THSD7B: variants seen among roughly 807,000 people sequenced by gnomAD.
The protein encoded by THSD7B is thrombospondin type-1 domain-containing protein 7B.
A neutral mutation model predicts 213.6 loss-of-function variants in THSD7B; 138 were observed. That is an observed-to-expected ratio of 0.65 (90% CI 0.56 to 0.74). The LOEUF (loss-of-function observed/expected upper bound fraction) is 0.74, where lower values mean the gene tolerates loss of function less well. Ranked by LOEUF, THSD7B falls within the 30% of genes least tolerant of loss-of-function variation. The probability of loss-of-function intolerance (pLI) is 0.00; values close to 1 mark genes in which losing one functional copy is unlikely to be tolerated. For synonymous variants in THSD7B, 742 were observed against 687.0 expected (o/e 1.08, Z -1.25); for missense variants, 1,931 against 1,991.5 (o/e 0.97, Z 0.58).
chr2:137,217,269 T>C (rs6715802), intron 7 of THSD7B, among the ~76,000 whole-genome samples: 2,973 of 152,298 alleles, frequency 0.02, 41 homozygotes, highest in Admixed American at 0.029. Flanking sequence ...TTTCTTCCTA[T>C]GTTGGCATAG....
chr2:136,785,911 C>T lies in THSD7B; in HGVS notation c.-36+20224C>T, dbSNP rs573343004. Reference sequence around the variant, plus strand: ...AAATGTAGTAGATTAAGTCAAGGACCAAGCCCAGTGACCAGTCAAACAAAT... The same window carrying T: ...AAATGTAGTAGATTAAGTCAAGGACTAAGCCCAGTGACCAGTCAAACAAAT... On this transcript the variant is annotated intron_variant, in intron 1 of 27. Transcript: ENST00000409968. Among the ~76,000 whole-genome samples the T allele has an allele frequency of 2.6e-5, 4 of 151,868 alleles. No homozygotes were observed. In the East Asian group the frequency reaches 8.0e-4, roughly 30 times the overall value.
chr2:137,354,608 CTTAAG>C (rs1256268635), intron 12 of THSD7B, among the ~76,000 whole-genome samples: 1 of 151,830 alleles, frequency 6.6e-6, no homozygotes, highest in East Asian at 1.9e-4. Context: ...AAGAAATAGC[CTTAAG>C]TTAACAGTTT....
At position 136,990,574 on chromosome 2, in the gene THSD7B, G is replaced by C. The variant is rs771375971; in HGVS notation, c.140-65846G>C. Among the ~76,000 whole-genome samples the C allele has an allele frequency of 6.6e-4, 101 of 152,152 alleles. 2 individuals carry two copies. The highest frequency in any genetic ancestry group is 2.2e-4 in the Non-Finnish European group (15 of 68,042). On this transcript the variant is annotated intron_variant, in intron 2 of 27. Transcript: ENST00000409968. ...GCAGATGGGCTGTGCTGGAATGTGG[G>C]GCAAGAAACACTGTCATTGACACTA... is the stretch of plus-strand genomic sequence containing the variant.
At chr2:137,620,583 A>C (rs559889900) in intron 19 of THSD7B, 26 bp from the exon 20 acceptor site, 52 of 1,557,930 alleles carry the variant, frequency 3.3e-5, no homozygotes, top group Non-Finnish European at 4.4e-5. Flanking sequence ...TTCTCCAATA[A>C]AGTTGTGTTT....
chr2:137,202,365 G>A (rs1680895984), intron 7 of THSD7B, among the ~76,000 whole-genome samples: 1 of 152,068 alleles, frequency 6.6e-6, no homozygotes, highest in Non-Finnish European at 1.5e-5. Context: ...ATGGACCCTA[G>A]ATGTCATCCC....
At chr2:137,138,832 G>A (rs1024749873) in intron 5 of THSD7B, among the ~76,000 whole-genome samples, 1 of 152,012 alleles carries the variant, frequency 6.6e-6, no homozygotes, top group African/African-American at 2.4e-5. Context: ...TATCAAATTT[G>A]TTTCTTTTGA....
chr2:137,383,680 C>G (rs1433537208), intron 12 of THSD7B, among the ~76,000 whole-genome samples: 1 of 152,142 alleles, frequency 6.6e-6, no homozygotes, highest in East Asian at 1.9e-4. Context: ...TGTATAATTA[C>G]CCTGCTAACA....
chr2:137,219,229 A>G (rs942524754), intron 7 of THSD7B, among the ~76,000 whole-genome samples: 2 of 152,156 alleles, frequency 1.3e-5, no homozygotes, highest in Admixed American at 1.3e-4. Context: ...AGGCATGGGA[A>G]AAGACATCAA....
chr2:137,374,582 A>T, intron 12 of THSD7B, among the ~76,000 whole-genome samples: 1 of 152,188 alleles, frequency 6.6e-6, no homozygotes, highest in East Asian at 1.9e-4. Context: ...TTTAACCTAA[A>T]TTGTAGAATG....
At chr2:137,185,618 C>T (rs146149823) in intron 7 of THSD7B, among the ~76,000 whole-genome samples, 103 of 152,100 alleles carry the variant, frequency 6.8e-4, no homozygotes, top group African/African-American at 2.2e-3. Flanking sequence ...GTATACATAC[C>T]GCATTTTTTA....
At chr2:136,946,389 T>G (rs1312708933) in intron 2 of THSD7B, among the ~76,000 whole-genome samples, 1 of 152,134 alleles carries the variant, frequency 6.6e-6, no homozygotes, top group Non-Finnish European at 1.5e-5. Flanking sequence ...GTATGACGTG[T>G]CAGTCAGCCC....
rs371628481 is a variant in THSD7B at position 137,658,916 on chromosome 2, T to A, written c.4376-748T>A. On this transcript the variant is annotated intron_variant, in intron 24 of 27. Coordinates refer to ENST00000409968, the MANE Select transcript of THSD7B (RefSeq NM_001316349.2). ...GCAACCAGTACTATATAAATGGTGC[T>A]TTGTCAAATTTTCTCTAGGCTTTGT... is the stretch of plus-strand genomic sequence containing the variant. 8.5e-5 allele frequency among the ~76,000 whole-genome samples: 13 copies of A among 152,352 alleles called. No homozygotes were observed. In the East Asian group the frequency reaches 1.2e-3, roughly 14 times the overall value.
intron 5 of THSD7B, among the ~76,000 whole-genome samples, chr2:137,137,867 G>C (rs1679496871): frequency 6.6e-6 from 1 of 151,450 alleles, no homozygotes; most frequent in Admixed American, 6.6e-5. Flanking sequence ...GTTTTGTTGG[G>C]TTTGTTTTTT....
rs981418467 is a variant in THSD7B, at chr2:137,022,526, T to C, written c.140-33894T>C. 2.0e-5 allele frequency among the ~76,000 whole-genome samples: 3 copies of C among 151,896 alleles called. No homozygotes were observed. In the East Asian group the frequency reaches 5.8e-4, roughly 29 times the overall value. The stretch of plus-strand genomic sequence containing the variant: ...TAAAATATACATTGGGTTTTGAAGA[T>C]GTACCACAAAAAAATCTTCGTTTTT... On this transcript the variant is annotated intron_variant, in intron 2 of 27. Transcript: ENST00000409968.
chr2:137,194,517 ACTTAGGGAGAG>A (rs1247875515), intron 7 of THSD7B, among the ~76,000 whole-genome samples: 5 of 152,186 alleles, frequency 3.3e-5, no homozygotes, highest in African/African-American at 1.2e-4. Flanking sequence ...TTGTAAATGA[ACTTAGGGAGAG>A]CTTCTATCTT....
intron 12 of THSD7B, among the ~76,000 whole-genome samples, chr2:137,370,238 C>T (rs1447811160): frequency 1.3e-5 from 2 of 152,024 alleles, no homozygotes; most frequent in East Asian, 3.9e-4. Context: ...TTTATTCACT[C>T]ATTCATTCAT....
chr2:137,659,832 C>A, intron 25 of THSD7B, 86 bp downstream of exon 25: 2 of 1,320,758 alleles, frequency 1.5e-6, no homozygotes, highest in Non-Finnish European at 1.0e-6. Flanking sequence ...CGGCTGCAGC[C>A]CAAGCAGCAG....
intron 12 of THSD7B, among the ~76,000 whole-genome samples, chr2:137,360,276 G>T (rs1157861638): frequency 1.3e-5 from 2 of 152,082 alleles, no homozygotes; most frequent in Non-Finnish European, 2.9e-5. Flanking sequence ...GAACAGCTCG[G>T]GTCTGCAGCT....
chr2:137,004,347 A>ACAC (rs1558883730), intron 2 of THSD7B, among the ~76,000 whole-genome samples: 2 of 138,880 alleles, frequency 1.4e-5, no homozygotes, highest in Admixed American at 1.4e-4. Context: ...ACACACACAC[A>ACAC]AACTTATTCC....
Sources: gnomAD v4.1 joint callset for allele counts (sites outside exome capture counted in the v4.1 genomes callset) on GRCh38, gnomAD v4.1.1 for gene constraint, MANE v1.5 for transcripts, NCBI Gene and HGNC (gene_info 2026-07-23, HGNC 2026-07-21) for gene names.